Variants in CEP57L1 observed in about 807,000 individuals in gnomAD.
CEP57L1 encodes the protein centrosomal protein 57 like 1.
CEP57L1 carries 37 observed loss-of-function variants against 61.0 expected under a neutral mutation model. That is an observed-to-expected ratio of 0.61 (90% confidence interval 0.47 to 0.80). The LOEUF (loss-of-function observed/expected upper bound fraction) is 0.80, where lower values mean the gene tolerates loss of function less well. Ranked by LOEUF, CEP57L1 falls within the 30% of genes least tolerant of loss-of-function variation. The pLI is 0.00. For synonymous variants in CEP57L1, 137 were observed against 162.3 expected, an observed-to-expected ratio of 0.84 and a Z score of 1.19; for missense variants, 422 against 524.7, an observed-to-expected ratio of 0.80 and a Z score of 1.91.
chr6:109,165,094 T>A lies in CEP57L1; in HGVS notation c.*2124T>A, dbSNP rs1312570945. On this transcript the variant is annotated 3_prime_UTR_variant, in exon 11 of 11. Coordinates refer to ENST00000517392, the MANE Select transcript of CEP57L1 (RefSeq NM_001271852.3). ...TCTGTCTCAAAAAAAAAAAAAAAAA[T>A]TAAAACCATTTTAGGAACATGGAAT... Among the ~76,000 whole-genome samples the A allele has an allele frequency of 3.3e-5, 5 of 149,768 alleles. No individual in the cohort carries two copies. The highest frequency in any genetic ancestry group is 5.9e-5 in the Non-Finnish European group (4 of 67,410).
chr6:109,155,894 T>C lies in CEP57L1; in HGVS notation c.744+17T>C. ...TCTTCAAAGGTGTGCATATAAAATT[T>C]TTTCCCAAACAAAAATACTGCTAAT... On this transcript the variant is annotated intron_variant, in intron 7 of 10. Transcript: ENST00000517392. 1 of 1,397,712 alleles carries C rather than the reference T, an allele frequency of 7.2e-7. No individual in the cohort carries two copies. Among genetic ancestry groups the C allele is most frequent in the South Asian group, 1.2e-5 (1 of 81,352 alleles). The allele number at this position is 1,397,712 out of a possible 1,614,324, so 86.6% of individuals were successfully genotyped here. A position where few individuals can be genotyped will look rare whatever the true frequency, so the allele number is the denominator to read the frequency against.
At chr6:109,121,108 C>G (rs1298662931) in intron 1 of CEP57L1, among the ~76,000 whole-genome samples, 1 of 152,118 alleles carries the variant, frequency 6.6e-6, no homozygotes, top group East Asian at 1.9e-4. Flanking sequence ...GAGAAGGACT[C>G]TTGAGGACCT....
At chr6:109,111,883 C>T (rs1237971754) in intron 1 of CEP57L1, among the ~76,000 whole-genome samples, 1 of 152,166 alleles carries the variant, frequency 6.6e-6, no homozygotes, top group Non-Finnish European at 1.5e-5. Context: ...CCAACTTGAT[C>T]GTGGTGGATA....
chr6:109,161,791 AC>A (rs1439841216), intron 10 of CEP57L1, among the ~76,000 whole-genome samples: 3 of 152,118 alleles, frequency 2.0e-5, no homozygotes, highest in Non-Finnish European at 4.4e-5. Flanking sequence ...ATTTTTAAAA[AC>A]ATGATTTATA....
chr6:109,099,495 G>A (rs1782110484), intron 1 of CEP57L1, among the ~76,000 whole-genome samples: 2 of 152,060 alleles, frequency 1.3e-5, no homozygotes, highest in Middle Eastern at 3.4e-3. Context: ...AACTTTTGGT[G>A]GAGTAAAGGG....
intron 1 of CEP57L1, among the ~76,000 whole-genome samples, chr6:109,137,101 G>A (rs916414994): frequency 2.0e-5 from 3 of 152,046 alleles, no homozygotes; most frequent in Non-Finnish European, 1.5e-5. Flanking sequence ...ATTTTCATAA[G>A]TTGTATTCTA....
At chr6:109,101,631 T>A (rs1262900483) in intron 1 of CEP57L1, among the ~76,000 whole-genome samples, 1 of 151,008 alleles carries the variant, frequency 6.6e-6, no homozygotes, top group African/African-American at 2.4e-5. Context: ...TTCTTTTTTT[T>A]TTTTTTTGAG....
intron 2 of CEP57L1, 78 bp from the exon 3 acceptor site, chr6:109,146,680 T>C (rs1771995789): frequency 4.1e-6 from 4 of 977,676 alleles, no homozygotes; most frequent in African/African-American, 1.7e-5. Context: ...AATATACTGC[T>C]TATTTTTCTT....
intron 1 of CEP57L1, among the ~76,000 whole-genome samples, chr6:109,135,013 C>T (rs1211163231): frequency 6.6e-6 from 1 of 152,080 alleles, no homozygotes; most frequent in Non-Finnish European, 1.5e-5. Context: ...GATTCAATGC[C>T]ATCCCCATCA....
chr6:109,142,513 A>G (rs1385431190), intron 1 of CEP57L1, among the ~76,000 whole-genome samples: 1 of 152,048 alleles, frequency 6.6e-6, no homozygotes, highest in Non-Finnish European at 1.5e-5. Flanking sequence ...GCAAACTAAT[A>G]TGGCACATGT....
At chr6:109,105,821 A>T (rs561832517) in intron 1 of CEP57L1, among the ~76,000 whole-genome samples, 7 of 152,294 alleles carry the variant, frequency 4.6e-5, no homozygotes, top group African/African-American at 1.4e-4. Flanking sequence ...AGCAGGGGTG[A>T]GCAACAGGTG....
At position 109,155,153 on chromosome 6, in the gene CEP57L1, G is replaced by C. The variant is rs1178153862; in HGVS notation, c.580-77G>C. 3.6e-5 allele frequency: 28 copies of C among 784,578 alleles called. 1 individual carries two copies. In the East Asian group the frequency reaches 7.9e-4, roughly 22 times the overall value. 48.6% of individuals were successfully genotyped at this position (784,578 alleles called of 1,614,324 possible). A position where few individuals can be genotyped will look rare whatever the true frequency, so the allele number is the denominator to read the frequency against. On this transcript the variant is annotated intron_variant, in intron 5 of 10. Transcript: ENST00000517392. ...ACTCTTAAGAATCAAGACCCCCTAG[G>C]ACTCTATTTGGAAAAGAAACAAATG...
intron 1 of CEP57L1, among the ~76,000 whole-genome samples, chr6:109,127,603 A>G (rs951291283): frequency 1.4e-5 from 2 of 147,718 alleles, no homozygotes; most frequent in African/African-American, 2.5e-5. Flanking sequence ...GTTATACTTA[A>G]TCTTTTTTTG....
At chr6:109,149,726 C>T (rs1373357445) in intron 3 of CEP57L1, among the ~76,000 whole-genome samples, 2 of 152,020 alleles carry the variant, frequency 1.3e-5, no homozygotes, top group Admixed American at 6.5e-5. Flanking sequence ...GCCATTTTCA[C>T]GATATTGATT....
intron 1 of CEP57L1, among the ~76,000 whole-genome samples, chr6:109,137,911 T>C (rs1770919773): frequency 6.6e-6 from 1 of 152,184 alleles, no homozygotes. Flanking sequence ...TTATAAAGAA[T>C]GGTCAGCAGA....
rs1276980097 is a variant in CEP57L1, at chr6:109,166,829, CATT to C, written c.*3863_*3865del. On this transcript the variant is annotated 3_prime_UTR_variant, in exon 11 of 11. Transcript: ENST00000517392. ...TTGTGGACAGAAATGCAACAGCTGC[CATT>C]ATTGGTGTAGAGTAAATAATGAAAC... Among the ~76,000 whole-genome samples the C allele has an allele frequency of 2.6e-5, 4 of 152,122 alleles. No homozygotes were observed. Among genetic ancestry groups the C allele is most frequent in the African/African-American group, 9.7e-5 (4 of 41,408 alleles).
chr6:109,156,901 A>T (rs1218126956), intron 7 of CEP57L1: 1 of 152,152 alleles, frequency 6.6e-6, no homozygotes, highest in Non-Finnish European at 1.5e-5. Flanking sequence ...TTCCTTTCCT[A>T]AATATTTGTT....
In CEP57L1 at chr6:109,153,947, G is replaced by A. The variant is rs1772943906; in HGVS notation, c.577G>A (p.Glu193Lys). 1 of 1,534,068 alleles carries A rather than the reference G, an allele frequency of 6.5e-7. No individual in the cohort carries two copies. Among genetic ancestry groups the A allele is most frequent in the Admixed American group, 1.8e-5 (1 of 56,542 alleles). Residue 193 changes from glutamate to lysine, a missense_variant and splice_region_variant, in exon 5 of 11, where the codon GAG (glutamate) becomes AAG (lysine). Transcript: ENST00000517392. ...FRLTTTQKTA[E>K]DKIKHLEEKL... Reference sequence around the variant, plus strand: ...ACTTACAACAACTCAGAAAACTGCTGAGGTAAGCTTTCTTTGAAGTGATGA... The same window carrying A: ...ACTTACAACAACTCAGAAAACTGCTAAGGTAAGCTTTCTTTGAAGTGATGA...
At chr6:109,124,229 C>A (rs913509299) in intron 1 of CEP57L1, among the ~76,000 whole-genome samples, 1 of 152,196 alleles carries the variant, frequency 6.6e-6, no homozygotes, top group African/African-American at 2.4e-5. Context: ...TACTCCTCTG[C>A]TGCATGGCTT....
Sources: gnomAD v4.1 joint callset for allele counts (sites outside exome capture counted in the v4.1 genomes callset) on GRCh38, gnomAD v4.1.1 for gene constraint, MANE v1.5 for transcripts, NCBI Gene and HGNC (gene_info 2026-07-23, HGNC 2026-07-21) for gene names.